Variants in TXNL1 observed in about 807,000 individuals in gnomAD.
TXNL1 encodes the protein thioredoxin like 1.
A neutral mutation model predicts 35.5 loss-of-function variants in TXNL1; 14 were observed. The observed-to-expected ratio is 0.39, with a 90% CI of 0.26 to 0.62. The LOEUF (loss-of-function observed/expected upper bound fraction) is 0.62, where lower values mean the gene tolerates loss of function less well. Ranked by LOEUF, TXNL1 falls within the 20% of genes least tolerant of loss-of-function variation. The pLI is 0.47. For missense variants in TXNL1, 263 were observed against 349.7 expected (o/e 0.75, Z 1.98); for synonymous variants, 110 against 115.5 (o/e 0.95, Z 0.31).
intron 1 of TXNL1, among the ~76,000 whole-genome samples, chr18:56,626,797 C>CTTGTTTTTTTT (rs2024289634): frequency 1.8e-5 from 1 of 55,000 alleles, no homozygotes; most frequent in Non-Finnish European, 3.2e-5. Context: ...CCAAGCCGGT[C>CTTGTTTTTTTT]TTTTTTTTTT....
intron 1 of TXNL1, among the ~76,000 whole-genome samples, chr18:56,631,592 T>C (rs2024371489): frequency 1.3e-5 from 2 of 152,186 alleles, no homozygotes; most frequent in African/African-American, 4.8e-5. Flanking sequence ...AGAAAAAGAA[T>C]ACAGTAAACC....
chr18:56,638,466 C>T lies in TXNL1; in HGVS notation c.-26G>A, dbSNP rs760640164. On this transcript the variant is annotated 5_prime_UTR_variant, in exon 1 of 8. Transcript: ENST00000217515. The stretch of plus-strand genomic sequence containing the variant: ...CCTCACAGAGAGCCCGGCAGGGTGG[C>T]CGCGACGCCACTGGCTTTGAAACTG... The T allele has an allele frequency of 1.7e-5, 28 of 1,601,966 alleles. No individual in the cohort carries two copies. Among genetic ancestry groups the T allele is most frequent in the Non-Finnish European group, 2.0e-5 (23 of 1,172,760 alleles).
chr18:56,612,184 G>GA (rs1568100739), intron 6 of TXNL1, among the ~76,000 whole-genome samples: 1 of 151,740 alleles, frequency 6.6e-6, no homozygotes, highest in Non-Finnish European at 1.5e-5. Context: ...TCTTTATAGA[G>GA]AATGTTGAAA....
At chr18:56,633,423 G>A (rs1286759595) in intron 1 of TXNL1, among the ~76,000 whole-genome samples, 4 of 137,656 alleles carry the variant, frequency 2.9e-5, no homozygotes, top group South Asian at 4.6e-4. Context: ...CTCCAGCCTA[G>A]GCTAGAGAGC....
intron 1 of TXNL1, among the ~76,000 whole-genome samples, chr18:56,636,858 T>C (rs1454257919): frequency 2.0e-5 from 3 of 152,196 alleles, no homozygotes; most frequent in Non-Finnish European, 4.4e-5. Flanking sequence ...GTGAGGTTCC[T>C]TATTGAAATC....
intron 7 of TXNL1, among the ~76,000 whole-genome samples, chr18:56,604,795 C>A (rs950413065): frequency 9.2e-5 from 14 of 152,098 alleles, no homozygotes; most frequent in African/African-American, 3.4e-4. Flanking sequence ...AAAACCAACA[C>A]CCCTCAACTG....
intron 3 of TXNL1, among the ~76,000 whole-genome samples, chr18:56,618,569 T>A (rs142189496): frequency 2.6e-5 from 4 of 151,680 alleles, no homozygotes; most frequent in Non-Finnish European, 5.9e-5. Flanking sequence ...CAGACAAAAA[T>A]ATAATAATAT....
chr18:56,600,357 C>CGTG lies in TXNL1; in HGVS notation c.*2667_*2669dup, dbSNP rs2023796706. On this transcript the variant is annotated 3_prime_UTR_variant, in exon 8 of 8. Coordinates refer to ENST00000217515, the MANE Select transcript of TXNL1 (RefSeq NM_004786.3). ...GGGCAGGTTTCAACTCTAATTGTTA[C>CGTG]GTGGCTGCCTCCAACAGAATATTGA... 1 of 134,502 alleles carries CGTG rather than the reference C, an allele frequency of 7.4e-6. No individual in the cohort carries two copies. The highest frequency in any genetic ancestry group is 1.6e-5 in the Non-Finnish European group (1 of 62,824). 8.3% of individuals were successfully genotyped at this position (134,502 alleles called of 1,614,324 possible).
At chr18:56,604,588 A>AT (rs2023858976) in intron 7 of TXNL1, 1 of 152,242 alleles carries the variant, frequency 6.6e-6, no homozygotes, top group Non-Finnish European at 1.5e-5. Context: ...ACCAAAATTT[A>AT]GGTACATAAA....
In TXNL1 at chr18:56,600,363, T is replaced by C. The variant is rs2023796817; in HGVS notation, c.*2664A>G. 1.3e-5 allele frequency: 2 copies of C among 150,520 alleles called. No individual in the cohort carries two copies. The highest frequency in any genetic ancestry group is 6.6e-5 in the Admixed American group (1 of 15,090). The allele number at this position is 150,520 out of a possible 1,614,324, so 9.3% of individuals were successfully genotyped here. On this transcript the variant is annotated 3_prime_UTR_variant, in exon 8 of 8. Transcript: ENST00000217515. The stretch of plus-strand genomic sequence containing the variant: ...GTTTCAACTCTAATTGTTACGTGGC[T>C]GCCTCCAACAGAATATTGAGACTGG...
chr18:56,612,723 C>T (rs1249000336), intron 6 of TXNL1, among the ~76,000 whole-genome samples: 1 of 152,038 alleles, frequency 6.6e-6, no homozygotes, highest in Non-Finnish European at 1.5e-5. Context: ...TCTGAGATGC[C>T]ACTCATTCGT....
intron 7 of TXNL1, among the ~76,000 whole-genome samples, chr18:56,605,489 A>C (rs1021993073): frequency 6.6e-6 from 1 of 151,682 alleles, no homozygotes; most frequent in Admixed American, 6.6e-5. Context: ...TTTCACATGC[A>C]CCTCATTTCC....
At position 56,624,571 on chromosome 18, in the gene TXNL1, T is replaced by A. The variant is rs1418654320; in HGVS notation, c.196-110A>T. The A allele has an allele frequency of 4.9e-6, 6 of 1,228,490 alleles. No individual in the cohort carries two copies. In the Admixed American group the frequency reaches 1.4e-4, roughly 29 times the overall value. 76.1% of individuals were successfully genotyped at this position (1,228,490 alleles called of 1,614,324 possible). The stretch of plus-strand genomic sequence containing the variant: ...ACCATAAGCATGAACTAAAAACATG[T>A]AAAATACTGCATTTTTGTTATTTAA... On this transcript the variant is annotated intron_variant, in intron 2 of 7. Transcript: ENST00000217515.
intron 7 of TXNL1, among the ~76,000 whole-genome samples, chr18:56,608,070 C>T (rs923303674): frequency 7.9e-5 from 12 of 152,042 alleles, no homozygotes; most frequent in Non-Finnish European, 1.2e-4. Context: ...AGGCATCCAC[C>T]GGGGGTCTAA....
chr18:56,631,128 C>T (rs1004426471), intron 1 of TXNL1, among the ~76,000 whole-genome samples: 3 of 152,128 alleles, frequency 2.0e-5, no homozygotes, highest in Non-Finnish European at 4.4e-5. Context: ...GATTCTCCCA[C>T]CTCAGCCTCC....
chr18:56,620,980 G>A (rs894013983), intron 3 of TXNL1, among the ~76,000 whole-genome samples: 8 of 152,072 alleles, frequency 5.3e-5, no homozygotes, highest in Non-Finnish European at 7.4e-5. Context: ...AGAATTATTC[G>A]GAGCATTATG....
chr18:56,602,832 C>A lies in TXNL1; in HGVS notation c.*195G>T. 1 of 645,570 alleles carries A rather than the reference C, an allele frequency of 1.5e-6. No homozygotes were observed. Among genetic ancestry groups the A allele is most frequent in the South Asian group, 2.0e-5 (1 of 51,022 alleles). The allele number at this position is 645,570 out of a possible 1,614,324, so 40.0% of individuals were successfully genotyped here. A position where few individuals can be genotyped will look rare whatever the true frequency, so the allele number is the denominator to read the frequency against. ...TTAGAAAGACAAAAATTAAGCTTGG[C>A]AAAAGTGGTGACTTTTATTTACAAT... On this transcript the variant is annotated 3_prime_UTR_variant, in exon 8 of 8. Coordinates refer to ENST00000217515, the MANE Select transcript of TXNL1 (RefSeq NM_004786.3).
intron 5 of TXNL1, among the ~76,000 whole-genome samples, chr18:56,615,843 A>C (rs1396325493): frequency 2.0e-5 from 3 of 152,178 alleles, no homozygotes; most frequent in Non-Finnish European, 4.4e-5. Flanking sequence ...GCTTCGTTCC[A>C]AAACAAGCCA....
chr18:56,634,473 T>C (rs993176176), intron 1 of TXNL1, among the ~76,000 whole-genome samples: 1 of 152,166 alleles, frequency 6.6e-6, no homozygotes, highest in Non-Finnish European at 1.5e-5. Flanking sequence ...CTTAAACAAG[T>C]TCCTTACACA....
Sources: gnomAD v4.1 joint callset for allele counts (sites outside exome capture counted in the v4.1 genomes callset) on GRCh38, gnomAD v4.1.1 for gene constraint, MANE v1.5 for transcripts, NCBI Gene and HGNC (gene_info 2026-07-23, HGNC 2026-07-21) for gene names.